The following CNTNAP2 variants were observed in gnomAD, a reference collection of about 807,000 sequenced individuals.
CNTNAP2 encodes the protein contactin-associated protein-like 2.
A neutral mutation model predicts 155.2 loss-of-function variants in CNTNAP2; 98 were observed. That is an observed-to-expected ratio of 0.63 (90% CI 0.54 to 0.75). The LOEUF (loss-of-function observed/expected upper bound fraction) is 0.75. CNTNAP2 is among the 30% of genes least tolerant of loss of function. The pLI is 0.00. For synonymous variants in CNTNAP2, 651 were observed against 631.2 expected, an observed-to-expected ratio of 1.03 and a Z score of -0.47; for missense variants, 1,727 against 1,688.1, an observed-to-expected ratio of 1.02 and a Z score of -0.40.
chr7:146,441,408 T>C lies in CNTNAP2; in HGVS notation c.97+324435T>C, dbSNP rs144700451. On this transcript the variant is annotated intron_variant, in intron 1 of 23. Coordinates refer to ENST00000361727, the MANE Select transcript of CNTNAP2 (RefSeq NM_014141.6). ...TCTATGCGGTATCTCCTGAAAGAAC[T>C]GTCTCCCTATTTGGTCTTCGATTAC... Among the ~76,000 whole-genome samples the C allele has an allele frequency of 5.7e-3, 865 of 151,620 alleles. 45 individuals are homozygous for C. The highest frequency in any genetic ancestry group is 0.02 in the African/African-American group (807 of 40,912).
At chr7:148,081,320 A>G (rs1803599194) in intron 15 of CNTNAP2, among the ~76,000 whole-genome samples, 1 of 152,088 alleles carries the variant, frequency 6.6e-6, no homozygotes, top group Non-Finnish European at 1.5e-5. Flanking sequence ...CAAAGTATTG[A>G]TCTTGGGTGT....
intron 14 of CNTNAP2, among the ~76,000 whole-genome samples, chr7:147,968,309 C>G (rs113907646): frequency 2.6e-4 from 39 of 152,312 alleles, no homozygotes; most frequent in African/African-American, 8.7e-4. Context: ...CTAGACTATT[C>G]TCACTGAAAA....
In CNTNAP2 at chr7:148,324,879, C is replaced by T. The variant is rs940443235; in HGVS notation, c.3475+57753C>T. Among the ~76,000 whole-genome samples, 9 of 151,220 alleles carry T rather than the reference C, an allele frequency of 6.0e-5. No homozygotes were observed. In the South Asian group the frequency reaches 1.9e-3, roughly 32 times the overall value. ...CCATAACAGTGTCAGACACATAGGA[C>T]ATGTATTGAATGAATGAACTGATTT... is the stretch of plus-strand genomic sequence containing the variant. On this transcript the variant is annotated intron_variant, in intron 21 of 23. Coordinates refer to ENST00000361727, the MANE Select transcript of CNTNAP2 (RefSeq NM_014141.6).
chr7:146,556,501 C>T (rs1481796368), intron 1 of CNTNAP2, among the ~76,000 whole-genome samples: 2 of 152,092 alleles, frequency 1.3e-5, no homozygotes, highest in Non-Finnish European at 2.9e-5. Context: ...ACTGTTAATT[C>T]CCCTTCTTCT....
At chr7:146,888,595 A>AT (rs530568078) in intron 3 of CNTNAP2, among the ~76,000 whole-genome samples, 49 of 150,340 alleles carry the variant, frequency 3.3e-4, no homozygotes, top group East Asian at 1.2e-3. Flanking sequence ...CTGCCTACCC[A>AT]TTTTTTTTTC....
intron 15 of CNTNAP2, among the ~76,000 whole-genome samples, chr7:148,084,808 G>C (rs189290404): frequency 6.6e-6 from 1 of 152,160 alleles, no homozygotes; most frequent in Non-Finnish European, 1.5e-5. Context: ...GAGTGCATAG[G>C]TATAGAACTG....
intron 15 of CNTNAP2, among the ~76,000 whole-genome samples, chr7:148,100,893 A>G (rs985238193): frequency 8.5e-5 from 13 of 152,136 alleles, no homozygotes; most frequent in African/African-American, 1.2e-4. Flanking sequence ...ATGTCCAACA[A>G]TGATAGACTG....
chr7:146,744,227 CAAAAAA>C (rs60606492), intron 1 of CNTNAP2, among the ~76,000 whole-genome samples: 1,478 of 48,144 alleles, frequency 0.031, 9 homozygotes, highest in Non-Finnish European at 0.046. Context: ...CACTCTGTCT[CAAAAAA>C]AAAAAAAAAA....
intron 8 of CNTNAP2, among the ~76,000 whole-genome samples, chr7:147,219,804 G>T (rs936019879): frequency 6.6e-6 from 1 of 151,990 alleles, no homozygotes; most frequent in East Asian, 1.9e-4. Context: ...TGTTGAGACG[G>T]ACTCTCTGTC....
At chr7:146,562,326 G>A (rs370115226) in intron 1 of CNTNAP2, among the ~76,000 whole-genome samples, 1 of 151,558 alleles carries the variant, frequency 6.6e-6, no homozygotes, top group South Asian at 2.1e-4. Flanking sequence ...TTTATTGATA[G>A]GGTATGTTTT....
chr7:148,296,368 C>G (rs796656094), intron 21 of CNTNAP2, among the ~76,000 whole-genome samples: 17 of 151,510 alleles, frequency 1.1e-4, no homozygotes, highest in Non-Finnish European at 1.3e-4. Flanking sequence ...AGACCCCCCC[C>G]GCCCACCATC....
chr7:147,346,148 A>ATTT (rs1190332134), intron 9 of CNTNAP2, among the ~76,000 whole-genome samples: 2 of 21,882 alleles, frequency 9.1e-5, no homozygotes. Flanking sequence ...ATTTTATTTT[A>ATTT]TTTTATTTTT....
At chr7:147,243,328 T>C (rs1237118340) in intron 8 of CNTNAP2, among the ~76,000 whole-genome samples, 2 of 151,800 alleles carry the variant, frequency 1.3e-5, no homozygotes, top group Admixed American at 1.3e-4. Flanking sequence ...CAAATTAGAA[T>C]TCTTTTGGTT....
At chr7:147,209,226 G>A (rs1375363205) in intron 8 of CNTNAP2, among the ~76,000 whole-genome samples, 1 of 152,108 alleles carries the variant, frequency 6.6e-6, no homozygotes, top group Non-Finnish European at 1.5e-5. Flanking sequence ...TAATTCATGA[G>A]CAAGGAATGT....
chr7:148,135,210 C>T (rs1025797448), intron 16 of CNTNAP2, among the ~76,000 whole-genome samples: 5 of 152,014 alleles, frequency 3.3e-5, no homozygotes, highest in African/African-American at 4.8e-5. Flanking sequence ...ATTGGCTGGT[C>T]GGATGTTTAT....
At chr7:147,696,333 T>G (rs984932267) in intron 13 of CNTNAP2, among the ~76,000 whole-genome samples, 4 of 152,194 alleles carry the variant, frequency 2.6e-5, no homozygotes, top group Non-Finnish European at 5.9e-5. Context: ...CTTTTCTTAG[T>G]GTCTCAATTA....
At chr7:147,863,426 A>C (rs12531109) in intron 13 of CNTNAP2, among the ~76,000 whole-genome samples, 1,673 of 152,204 alleles carry the variant, frequency 0.011, 92 homozygotes, top group Admixed American at 0.09. Context: ...ATGATTTATA[A>C]TCCTTTTGGT....
intron 1 of CNTNAP2, among the ~76,000 whole-genome samples, chr7:146,635,258 T>C (rs1563165748): frequency 6.6e-6 from 1 of 152,220 alleles, no homozygotes; most frequent in Non-Finnish European, 1.5e-5. Context: ...TGTGAAAACT[T>C]AATGGAAGAT....
intron 3 of CNTNAP2, among the ~76,000 whole-genome samples, chr7:147,026,573 G>A (rs1798924026): frequency 6.6e-6 from 1 of 150,538 alleles, no homozygotes; most frequent in Non-Finnish European, 1.5e-5. Context: ...ATAACACTGA[G>A]TTCATTCTTG....
Sources: allele counts gnomAD v4.1 joint callset (sites outside exome capture counted in the v4.1 genomes callset), GRCh38; gene constraint gnomAD v4.1.1; transcripts MANE v1.5; gene names NCBI Gene and HGNC (gene_info 2026-07-23, HGNC 2026-07-21).